Variants in DSCC1 observed in about 807,000 individuals in gnomAD.
The protein encoded by DSCC1 is DNA replication and sister chromatid cohesion 1.
In DSCC1, 32 loss-of-function variants were observed where a neutral mutation model predicts 48.2. The observed-to-expected ratio is 0.66, with a 90% CI of 0.50 to 0.89. The LOEUF is 0.89. Ranked by LOEUF, DSCC1 falls within the 40% of genes least tolerant of loss-of-function variation. The pLI, the probability that DSCC1 is intolerant of heterozygous loss-of-function variation, is 0.00. For missense variants in DSCC1, 421 were observed against 471.7 expected, an observed-to-expected ratio of 0.89 and a Z score of 1.00; for synonymous variants, 150 against 171.5, an observed-to-expected ratio of 0.87 and a Z score of 0.98.
chr8:119,835,884 A>G (rs188390641), intron 8 of DSCC1, among the ~76,000 whole-genome samples: 1 of 152,362 alleles, frequency 6.6e-6, no homozygotes, highest in Admixed American at 6.5e-5. Context: ...GACGTGAGCT[A>G]GAGAAGGGGC....
At chr8:119,839,771 A>C (rs1826740169) in intron 7 of DSCC1, 1 of 152,176 alleles carries the variant, frequency 6.6e-6, no homozygotes, top group Non-Finnish European at 1.5e-5. Context: ...CAGTGCCTTA[A>C]TTTTTATTTG....
intron 4 of DSCC1, among the ~76,000 whole-genome samples, chr8:119,844,957 T>A (rs995527492): frequency 5.9e-5 from 9 of 152,222 alleles, no homozygotes; most frequent in Admixed American, 4.6e-4. Flanking sequence ...AAAGAGATGA[T>A]AGACTCTGAG....
rs1826629051 is a variant in DSCC1, at chr8:119,834,261, A to G, written c.*632T>C. The G allele has an allele frequency of 1.3e-5, 2 of 152,220 alleles. No individual in the cohort carries two copies. Among genetic ancestry groups the G allele is most frequent in the African/African-American group, 4.8e-5 (2 of 41,454 alleles). The allele number at this position is 152,220 out of a possible 1,614,324, so 9.4% of individuals were successfully genotyped here. ...AACTTTATCAAGCATTCCAAAACCA[A>G]CTAGAAATTACTTGAAGTTTTCGAG... On this transcript the variant is annotated 3_prime_UTR_variant, in exon 9 of 9. Coordinates refer to ENST00000313655, the MANE Select transcript of DSCC1 (RefSeq NM_024094.3).
chr8:119,842,683 G>C lies in DSCC1; in HGVS notation c.769+93C>G, dbSNP rs1826790370. 2.5e-6 allele frequency: 3 copies of C among 1,195,610 alleles called. No individual in the cohort carries two copies. In the Admixed American group the frequency reaches 5.8e-5, roughly 23 times the overall value. The allele number at this position is 1,195,610 out of a possible 1,614,324, so 74.1% of individuals were successfully genotyped here. On this transcript the variant is annotated intron_variant, in intron 6 of 8. Coordinates refer to ENST00000313655, the MANE Select transcript of DSCC1 (RefSeq NM_024094.3). ...TTATAGGTGTGAGCCACTGCACCCA[G>C]CCAGAGTTCTTATTTTTAACACCGA...
chr8:119,846,134 G>A (rs1340620289), intron 4 of DSCC1, among the ~76,000 whole-genome samples: 1 of 31,166 alleles, frequency 3.2e-5, no homozygotes, highest in African/African-American at 1.2e-4. Flanking sequence ...TTTTTTTTTT[G>A]ACGGAGTTTT....
rs776803427 is a variant in DSCC1, at chr8:119,843,672, G to A, written c.653C>T (p.Ser218Leu). ...CAAAGGAACTTTACCAAAAGACCATGATTCAGAATCCACAAGCTGAGTTAC... is the reference window on the plus strand; with the variant it reads ...CAAAGGAACTTTACCAAAAGACCATAATTCAGAATCCACAAGCTGAGTTAC... The part of the protein sequence containing the change: ...NHVTQLVDSE[S>L]WSFGKVPLNT... Residue 218 changes from serine (S) to leucine (L), a missense_variant, in exon 5 of 9, where the codon TCA becomes TTA. Physicochemically the swap from Ser to Leu is moderately radical, Grantham distance 145 (BLOSUM62 -2). Transcript: ENST00000313655. The A allele has an allele frequency of 2.5e-6, 4 of 1,613,936 alleles. No homozygotes were observed. In the African/African-American group the frequency reaches 5.3e-5, roughly 22 times the overall value.
intron 7 of DSCC1, 58 bp downstream of exon 7, chr8:119,841,736 C>T (rs1360116939): frequency 3.8e-6 from 6 of 1,575,528 alleles, no homozygotes; most frequent in Non-Finnish European, 5.2e-6. Context: ...ACTCAAGTAT[C>T]ATTCACCTAG....
intron 4 of DSCC1, among the ~76,000 whole-genome samples, chr8:119,845,055 A>T (rs527732533): frequency 0.052 from 84 of 1,630 alleles, no homozygotes; most frequent in Middle Eastern, 0.5. Flanking sequence ...ATGCCATTTT[A>T]TTTATTTATT....
chr8:119,846,904 AC>A, intron 4 of DSCC1, 85 bp downstream of exon 4: 1 of 1,208,604 alleles, frequency 8.3e-7, no homozygotes, highest in Non-Finnish European at 1.2e-6. Context: ...AATAAACTAT[AC>A]GCAGTAGGGT....
chr8:119,841,672 C>T, intron 7 of DSCC1, 122 bp downstream of exon 7: 1 of 976,932 alleles, frequency 1.0e-6, no homozygotes. Context: ...ATTGGATGTA[C>T]ATGCACTCCT....
chr8:119,834,699 G>A lies in DSCC1; in HGVS notation c.*194C>T, dbSNP rs1826647912. On this transcript the variant is annotated 3_prime_UTR_variant, in exon 9 of 9. Transcript: ENST00000313655. ...TGTCCTTGTTTACACTGTGTACATA[G>A]TACAAATATAATTTTAAAGCTACAT... 5.3e-6 allele frequency: 3 copies of A among 561,310 alleles called. No individual in the cohort carries two copies. Among genetic ancestry groups the A allele is most frequent in the Non-Finnish European group, 6.3e-6 (2 of 316,850 alleles). The allele number at this position is 561,310 out of a possible 1,614,324, so 34.8% of individuals were successfully genotyped here. A position where few individuals can be genotyped will look rare whatever the true frequency, so the allele number is the denominator to read the frequency against.
At chr8:119,838,940 G>T in intron 7 of DSCC1, 1 of 152,426 alleles carries the variant, frequency 6.6e-6, no homozygotes, top group Non-Finnish European at 1.5e-5. Flanking sequence ...CACCATGTAG[G>T]TTAGGCTGGT....
chr8:119,843,306 T>C (rs1037679008), intron 5 of DSCC1, among the ~76,000 whole-genome samples: 1 of 152,024 alleles, frequency 6.6e-6, no homozygotes, highest in Non-Finnish European at 1.5e-5. Flanking sequence ...GCCAGGACAG[T>C]CTTGATCTCC....
chr8:119,838,123 C>T, intron 8 of DSCC1, 136 bp downstream of exon 8: 1 of 882,886 alleles, frequency 1.1e-6, no homozygotes, highest in African/African-American at 1.7e-5. Flanking sequence ...AGACAGCCAC[C>T]ACCTAAGAGT....
At chr8:119,843,548 C>A in intron 5 of DSCC1, 61 bp downstream of exon 5, 1 of 1,555,350 alleles carries the variant, frequency 6.4e-7, no homozygotes, top group South Asian at 1.2e-5. Context: ...TAATTCCAAT[C>A]TGTAAAACAA....
intron 7 of DSCC1, among the ~76,000 whole-genome samples, chr8:119,841,514 G>A (rs895761336): frequency 2.0e-5 from 3 of 152,150 alleles, no homozygotes; most frequent in Non-Finnish European, 2.9e-5. Flanking sequence ...GGACCCAAGC[G>A]ATCTTGTAGA....
At chr8:119,847,984 G>GT (rs71505421) in intron 3 of DSCC1, among the ~76,000 whole-genome samples, 3 of 14,390 alleles carry the variant, frequency 2.1e-4, no homozygotes, top group Admixed American at 9.1e-4. Flanking sequence ...TTTTGTTTTT[G>GT]TTTTTTTTAA....
rs563450137 is a variant in DSCC1, at chr8:119,841,385, G to A, written c.924+409C>T. Among the ~76,000 whole-genome samples the A allele has an allele frequency of 2.0e-5, 3 of 152,272 alleles. No individual in the cohort carries two copies. The East Asian group carries it at 5.8e-4, about 29-fold the overall frequency. On this transcript the variant is annotated intron_variant, in intron 7 of 8. Coordinates refer to ENST00000313655, the MANE Select transcript of DSCC1 (RefSeq NM_024094.3). ...AAGTGCAAGGGGCATGCCCAGGGAT[G>A]CTATTGCTGTTTAGAGGCAGAAAAT...
chr8:119,842,694 T>A (rs1367432511), intron 6 of DSCC1, 82 bp downstream of exon 6: 1 of 1,348,578 alleles, frequency 7.4e-7, no homozygotes, highest in African/African-American at 1.5e-5. Context: ...CCAGAGTTCT[T>A]ATTTTTAACA....
Sources: allele counts gnomAD v4.1 joint callset (sites outside exome capture counted in the v4.1 genomes callset), GRCh38; gene constraint gnomAD v4.1.1; transcripts MANE v1.5; gene names NCBI Gene and HGNC (gene_info 2026-07-23, HGNC 2026-07-21).